NLGN1: variants seen among roughly 807,000 people sequenced by gnomAD.
NLGN1 encodes the protein neuroligin-1.
Under a neutral mutation model 65.5 loss-of-function variants are expected in NLGN1, and 12 were observed. That is an observed-to-expected ratio of 0.18 (90% CI 0.12 to 0.30). The LOEUF (loss-of-function observed/expected upper bound fraction) is 0.30. Among genes scored for constraint, NLGN1 ranks in the 10% least tolerant of loss-of-function variants. The pLI, the probability that NLGN1 is intolerant of heterozygous loss-of-function variation, is 1.00. For synonymous variants in NLGN1, 350 were observed against 359.5 expected (o/e 0.97, Z 0.30); for missense variants, 750 against 1,007.1 (o/e 0.74, Z 3.46).
chr3:173,577,141 G>A (rs1398933487), intron 2 of NLGN1, among the ~76,000 whole-genome samples: 1 of 152,152 alleles, frequency 6.6e-6, no homozygotes, highest in African/African-American at 2.4e-5. Context: ...TTGTTTTAAT[G>A]ATTAGTTTGA....
At chr3:173,999,466 T>C (rs762371467) in intron 4 of NLGN1, among the ~76,000 whole-genome samples, 1 of 152,172 alleles carries the variant, frequency 6.6e-6, no homozygotes, top group Non-Finnish European at 1.5e-5. Flanking sequence ...AAATATATGT[T>C]GTAAAAAACC....
downstream of NLGN1, among the ~76,000 whole-genome samples, chr3:174,287,821 G>T (rs928639190): frequency 6.6e-6 from 1 of 151,428 alleles, no homozygotes; most frequent in Non-Finnish European, 1.5e-5. Context: ...CTCCAAGGGG[G>T]TAAAGTTGTG....
chr3:173,654,980 T>G (rs1759768724), intron 3 of NLGN1, among the ~76,000 whole-genome samples: 1 of 152,198 alleles, frequency 6.6e-6, no homozygotes, highest in Non-Finnish European at 1.5e-5. Context: ...GTTTCAGATC[T>G]CAGCTCTTCC....
chr3:173,585,559 G>T (rs1747271728), intron 2 of NLGN1, among the ~76,000 whole-genome samples: 1 of 152,144 alleles, frequency 6.6e-6, no homozygotes, highest in African/African-American at 2.4e-5. Context: ...CACTGCACCG[G>T]ATAGAGACAG....
intron 4 of NLGN1, among the ~76,000 whole-genome samples, chr3:173,980,395 CTATA>C (rs1389212610): frequency 2.0e-5 from 3 of 151,848 alleles, no homozygotes; most frequent in African/African-American, 7.2e-5. Flanking sequence ...TTCCATGTTG[CTATA>C]TAGTCTTTTA....
chr3:174,267,751 C>T (rs987215082), intron 4 of NLGN1, among the ~76,000 whole-genome samples: 15 of 152,228 alleles, frequency 9.9e-5, no homozygotes, highest in African/African-American at 3.6e-4. Flanking sequence ...ACACATAGAC[C>T]TCTTTCATTT....
intron 4 of NLGN1, among the ~76,000 whole-genome samples, chr3:173,853,246 G>A (rs1727323090): frequency 6.6e-6 from 1 of 152,172 alleles, no homozygotes. Context: ...CAAACTACTT[G>A]TAGCATATGG....
At chr3:173,792,156 G>T (rs1245286300) in intron 3 of NLGN1, among the ~76,000 whole-genome samples, 1 of 152,090 alleles carries the variant, frequency 6.6e-6, no homozygotes, top group African/African-American at 2.4e-5. Flanking sequence ...AAGATGTTTA[G>T]CAAGGAGAGG....
At chr3:173,867,040 A>G (rs1730315389) in intron 4 of NLGN1, among the ~76,000 whole-genome samples, 2 of 152,206 alleles carry the variant, frequency 1.3e-5, no homozygotes, top group Admixed American at 6.5e-5. Context: ...CTATTTTCCA[A>G]CAGCACAGTC....
At chr3:174,290,414 C>T (rs920580552), downstream of NLGN1, among the ~76,000 whole-genome samples, 4 of 150,718 alleles carry the variant, frequency 2.7e-5, no homozygotes, top group Non-Finnish European at 6.0e-5. Flanking sequence ...TCATACTAGA[C>T]ACAAAAATCA....
chr3:174,081,285 C>T (rs1490593264), intron 4 of NLGN1, among the ~76,000 whole-genome samples: 1 of 152,078 alleles, frequency 6.6e-6, no homozygotes, highest in African/African-American at 2.4e-5. Flanking sequence ...CTTTCTTAGT[C>T]CATTTAGGCT....
chr3:173,523,249 T>G (rs1735063553), intron 2 of NLGN1, among the ~76,000 whole-genome samples: 1 of 151,728 alleles, frequency 6.6e-6, no homozygotes, highest in East Asian at 1.9e-4. Context: ...TGCAGAAGCT[T>G]TTTAGTATAA....
At chr3:173,519,429 A>G (rs1419748559) in intron 2 of NLGN1, among the ~76,000 whole-genome samples, 1 of 152,230 alleles carries the variant, frequency 6.6e-6, no homozygotes, top group Admixed American at 6.5e-5. Context: ...GGCCCTGAAC[A>G]CTAGCCCTTG....
At chr3:173,673,555 G>A (rs564094471) in intron 3 of NLGN1, among the ~76,000 whole-genome samples, 3 of 152,182 alleles carry the variant, frequency 2.0e-5, no homozygotes, top group South Asian at 2.1e-4. Context: ...GGAATGTTGC[G>A]GGAGTATCAA....
the NLGN1 span, among the ~76,000 whole-genome samples, chr3:174,292,085 A>G: frequency 6.6e-6 from 1 of 151,310 alleles, no homozygotes; most frequent in Admixed American, 6.6e-5. Context: ...TTTGAGAACC[A>G]GCACTCTTAA....
At chr3:173,805,962 G>A (rs572263672) in intron 3 of NLGN1, among the ~76,000 whole-genome samples, 1 of 152,152 alleles carries the variant, frequency 6.6e-6, no homozygotes, top group South Asian at 2.1e-4. Context: ...AAGGTTTCAA[G>A]GAGAAAATAA....
chr3:173,685,160 G>C (rs1031765954), intron 3 of NLGN1, among the ~76,000 whole-genome samples: 2 of 152,094 alleles, frequency 1.3e-5, no homozygotes, highest in Admixed American at 1.3e-4. Flanking sequence ...ATAATTACAG[G>C]ATGCCGAGTA....
intron 2 of NLGN1, among the ~76,000 whole-genome samples, chr3:173,568,373 A>G (rs1744062363): frequency 6.6e-6 from 1 of 151,722 alleles, no homozygotes; most frequent in African/African-American, 2.4e-5. Flanking sequence ...AGTTGGGATT[A>G]CAGGTGCCCC....
intron 4 of NLGN1, among the ~76,000 whole-genome samples, chr3:174,011,157 C>A (rs1393405481): frequency 6.6e-6 from 1 of 152,134 alleles, no homozygotes; most frequent in African/African-American, 2.4e-5. Context: ...CTTTTATTAA[C>A]TCTGTGGTCA....
Sources: allele counts gnomAD v4.1 joint callset (sites outside exome capture counted in the v4.1 genomes callset), GRCh38; gene constraint gnomAD v4.1.1; transcripts MANE v1.5; gene names NCBI Gene and HGNC (gene_info 2026-07-23, HGNC 2026-07-21).